Variants in MACROD2 observed in about 807,000 individuals in gnomAD.
The protein encoded by MACROD2 is ADP-ribose glycohydrolase MACROD2.
MACROD2 carries 36 observed loss-of-function variants against 70.4 expected under a neutral mutation model. The ratio of observed to expected loss-of-function variants is 0.51; its 90% confidence interval spans 0.39 to 0.68. MACROD2 has a LOEUF of 0.68. MACROD2 is among the 30% of genes least tolerant of loss of function. The probability of loss-of-function intolerance (pLI) is 0.00; values close to 1 mark genes in which losing one functional copy is unlikely to be tolerated. For synonymous variants in MACROD2, 172 were observed against 178.8 expected (o/e 0.96, Z 0.30); for missense variants, 496 against 538.4 (o/e 0.92, Z 0.78).
chr20:14,103,258 T>C (rs79315428), intron 3 of MACROD2, among the ~76,000 whole-genome samples: 2,566 of 152,318 alleles, frequency 0.017, 34 homozygotes, highest in Non-Finnish European at 0.029. Context: ...AGCCCTGCTA[T>C]CCCTATTTTT....
chr20:14,909,096 G>T (rs935003921), intron 5 of MACROD2, among the ~76,000 whole-genome samples: 1 of 152,094 alleles, frequency 6.6e-6, no homozygotes, highest in Non-Finnish European at 1.5e-5. Context: ...ATAGTGTGAG[G>T]GGATGAGATC....
At chr20:15,102,148 A>G (rs1297730945) in intron 5 of MACROD2, among the ~76,000 whole-genome samples, 1 of 152,120 alleles carries the variant, frequency 6.6e-6, no homozygotes, top group Non-Finnish European at 1.5e-5. Flanking sequence ...AAATTAAACA[A>G]TAGATAAAAT....
chr20:15,764,590 G>T (rs2051492025), intron 8 of MACROD2, among the ~76,000 whole-genome samples: 1 of 152,082 alleles, frequency 6.6e-6, no homozygotes, highest in African/African-American at 2.4e-5. Context: ...CCATGTGCCA[G>T]CCACCTACCA....
At chr20:15,432,048 T>A in intron 7 of MACROD2, among the ~76,000 whole-genome samples, 1 of 152,030 alleles carries the variant, frequency 6.6e-6, no homozygotes, top group East Asian at 1.9e-4. Flanking sequence ...TCCACCTACC[T>A]ACAAGAACTT....
intron 10 of MACROD2, among the ~76,000 whole-genome samples, chr20:15,904,494 TTTA>T: frequency 6.6e-6 from 1 of 152,192 alleles, no homozygotes; most frequent in East Asian, 1.9e-4. Context: ...AAGGTGTTTT[TTTA>T]TTGTTTTTGT....
At chr20:15,490,734 G>C (rs2047221632) in intron 7 of MACROD2, among the ~76,000 whole-genome samples, 1 of 152,140 alleles carries the variant, frequency 6.6e-6, no homozygotes, top group South Asian at 2.1e-4. Flanking sequence ...CCGAGCTCTG[G>C]GAGCCAAAGA....
chr20:14,063,314 A>G (rs2053712179), intron 2 of MACROD2, among the ~76,000 whole-genome samples: 1 of 152,220 alleles, frequency 6.6e-6, no homozygotes, highest in African/African-American at 2.4e-5. Context: ...TTTCAGGTCA[A>G]TTAGAAATTC....
chr20:14,232,318 G>A (rs1200657274), intron 3 of MACROD2, among the ~76,000 whole-genome samples: 3 of 152,160 alleles, frequency 2.0e-5, no homozygotes, highest in Middle Eastern at 3.2e-3. Context: ...GAGTTAGCCT[G>A]TCTTTTGACT....
At chr20:15,080,066 TTTTC>T (rs1469938881) in intron 5 of MACROD2, among the ~76,000 whole-genome samples, 4 of 151,546 alleles carry the variant, frequency 2.6e-5, no homozygotes, top group Admixed American at 6.6e-5. Flanking sequence ...TAGCCATATT[TTTTC>T]TTTTCTCTTG....
intron 8 of MACROD2, among the ~76,000 whole-genome samples, chr20:15,823,275 C>CGT (rs11471023): frequency 0.24 from 31,293 of 128,504 alleles, 3,590 homozygotes; most frequent in South Asian, 0.35. Context: ...GTGAGCTCTT[C>CGT]GTGTGTGTGT....
In MACROD2 at chr20:14,823,358, A is replaced by T. The variant is rs530475731; in HGVS notation, c.418+138399A>T. On this transcript the variant is annotated intron_variant, in intron 5 of 17. Transcript: ENST00000684519. ...CTTATAATTAATTTTATCTGCAAAT[A>T]ACAGAAATCCTGAAATAATAGTGGC... Among the ~76,000 whole-genome samples the T allele has an allele frequency of 8.1e-4, 124 of 152,284 alleles. 1 individual carries two copies. The highest frequency in any genetic ancestry group is 2.8e-3 in the Admixed American group (43 of 15,298).
chr20:15,873,935 C>T (rs1202040317), intron 9 of MACROD2, among the ~76,000 whole-genome samples: 1 of 152,018 alleles, frequency 6.6e-6, no homozygotes, highest in Non-Finnish European at 1.5e-5. Context: ...TGTTATTATA[C>T]TTTAAGTTCT....
chr20:14,357,573 G>C (rs1054603289), intron 3 of MACROD2, among the ~76,000 whole-genome samples: 1 of 152,166 alleles, frequency 6.6e-6, no homozygotes, highest in Middle Eastern at 3.2e-3. Flanking sequence ...AGAAAAAAAA[G>C]ATTCTACTCA....
intron 8 of MACROD2, among the ~76,000 whole-genome samples, chr20:15,617,914 G>C (rs1435635192): frequency 6.6e-6 from 1 of 152,068 alleles, no homozygotes; most frequent in Non-Finnish European, 1.5e-5. Context: ...TAGGAACAAA[G>C]AACAATTGAT....
rs2065091582 is a variant in MACROD2, at chr20:15,903,161, AG to A, written c.775+17352del. ...GAGGCCGAGGCGGGCAGATCACTCG[AG>A]GTCAGGAGTTCGAGGCTAAAAATAC... is the stretch of plus-strand genomic sequence containing the variant. On this transcript the variant is annotated intron_variant, in intron 10 of 17. Transcript: ENST00000684519. 2.0e-5 allele frequency among the ~76,000 whole-genome samples: 3 copies of A among 152,202 alleles called. No individual in the cohort carries two copies. In the South Asian group the frequency reaches 6.2e-4, roughly 32 times the overall value.
intron 5 of MACROD2, among the ~76,000 whole-genome samples, chr20:15,018,916 C>G (rs2075142493): frequency 6.6e-6 from 1 of 152,200 alleles, no homozygotes; most frequent in South Asian, 2.1e-4. Context: ...TGCTTTCTAC[C>G]ATGAGTAAAA....
intron 5 of MACROD2, among the ~76,000 whole-genome samples, chr20:15,180,106 G>T (rs199300): frequency 0.14 from 21,417 of 152,014 alleles, 1,921 homozygotes; most frequent in African/African-American, 0.25. Context: ...TTGCATTAGG[G>T]TTCATCCACC....
At chr20:14,355,045 C>T (rs545057381) in intron 3 of MACROD2, among the ~76,000 whole-genome samples, 2 of 152,240 alleles carry the variant, frequency 1.3e-5, no homozygotes, top group East Asian at 3.9e-4. Context: ...GTGATGGGCA[C>T]CTAGGTTGAT....
intron 12 of MACROD2, among the ~76,000 whole-genome samples, chr20:15,950,301 T>A (rs1601196644): frequency 1.3e-5 from 2 of 152,194 alleles, no homozygotes; most frequent in Non-Finnish European, 2.9e-5. Flanking sequence ...AGGTATGTAT[T>A]TTTGACACTA....
Sources: gnomAD v4.1 joint callset for allele counts (sites outside exome capture counted in the v4.1 genomes callset) on GRCh38, gnomAD v4.1.1 for gene constraint, MANE v1.5 for transcripts, NCBI Gene and HGNC (gene_info 2026-07-23, HGNC 2026-07-21) for gene names.